DAB2IP: variants seen among roughly 807,000 people sequenced by gnomAD.
DAB2IP encodes disabled homolog 2-interacting protein.
A neutral mutation model predicts 107.2 loss-of-function variants in DAB2IP; 28 were observed. The ratio of observed to expected loss-of-function variants is 0.26; its 90% CI spans 0.19 to 0.36. The LOEUF is 0.36. DAB2IP is among the 10% of genes least tolerant of loss of function. The pLI, the probability that DAB2IP is intolerant of heterozygous loss-of-function variation, is 1.00. For synonymous variants in DAB2IP, 755 were observed against 706.4 expected, an observed-to-expected ratio of 1.07 and a Z score of -1.09; for missense variants, 1,400 against 1,644.7, an observed-to-expected ratio of 0.85 and a Z score of 2.57.
In DAB2IP at chr9:121,681,527, G is replaced by A. The variant is rs145139707; in HGVS notation, c.228+2746G>A. Reference sequence around the variant, plus strand: ...GGTTAGGGTCTGCAGGATGGAGAGCGTGTTCAAGGTGGTCGTTTTGCCCAC... The same window carrying A: ...GGTTAGGGTCTGCAGGATGGAGAGCATGTTCAAGGTGGTCGTTTTGCCCAC... On this transcript the variant is annotated intron_variant, in intron 2 of 15. Coordinates refer to ENST00000408936, the Ensembl canonical transcript of DAB2IP. Among the ~76,000 whole-genome samples the A allele has an allele frequency of 3.3e-3, 508 of 152,198 alleles. 2 individuals carry two copies. The highest frequency in any genetic ancestry group is 0.011 in the African/African-American group (472 of 41,536).
At chr9:121,664,404 A>G (rs1260483520) in intron 1 of DAB2IP, among the ~76,000 whole-genome samples, 1 of 152,240 alleles carries the variant, frequency 6.6e-6, no homozygotes, top group Non-Finnish European at 1.5e-5. Context: ...TAAATTTAAA[A>G]TTCATCTTGT....
chr9:121,609,179 A>G (rs1830996539), intron 1 of DAB2IP, among the ~76,000 whole-genome samples: 1 of 152,118 alleles, frequency 6.6e-6, no homozygotes, highest in South Asian at 2.1e-4. Context: ...TCCCGACCTC[A>G]GGTGCTCCGT....
chr9:121,755,135 G>A (rs1215455723), intron 3 of DAB2IP, among the ~76,000 whole-genome samples: 1 of 152,214 alleles, frequency 6.6e-6, no homozygotes, highest in East Asian at 1.9e-4. Flanking sequence ...CCACGGCACT[G>A]GTCATTGCCG....
intron 1 of DAB2IP, among the ~76,000 whole-genome samples, chr9:121,568,011 G>T (rs1020912090): frequency 6.6e-6 from 1 of 152,128 alleles, no homozygotes; most frequent in Non-Finnish European, 1.5e-5. Flanking sequence ...GGCATGGGGG[G>T]GTGGGGCAGC....
intron 1 of DAB2IP, among the ~76,000 whole-genome samples, chr9:121,605,794 C>T (rs1454190830): frequency 6.6e-6 from 1 of 152,206 alleles, no homozygotes; most frequent in Non-Finnish European, 1.5e-5. Flanking sequence ...GCATGAGCCA[C>T]CGCACCTGGC....
At chr9:121,690,586 C>T (rs1233649558) in intron 2 of DAB2IP, among the ~76,000 whole-genome samples, 2 of 152,152 alleles carry the variant, frequency 1.3e-5, no homozygotes, top group Non-Finnish European at 2.9e-5. Flanking sequence ...GTTGTCACAT[C>T]CCAAGCTGAG....
chr9:121,619,879 G>A (rs1300935060), intron 1 of DAB2IP, among the ~76,000 whole-genome samples: 2 of 152,124 alleles, frequency 1.3e-5, no homozygotes, highest in African/African-American at 4.8e-5. Flanking sequence ...TAGGTAGGAA[G>A]TTATTCTTTG....
intron 1 of DAB2IP, among the ~76,000 whole-genome samples, chr9:121,597,507 G>A (rs1194909991): frequency 6.6e-6 from 1 of 152,192 alleles, no homozygotes; most frequent in Non-Finnish European, 1.5e-5. Flanking sequence ...TGCTGTGATT[G>A]TACATTTTGG....
intron 3 of DAB2IP, among the ~76,000 whole-genome samples, chr9:121,704,748 C>T (rs1829972329): frequency 6.6e-6 from 1 of 152,186 alleles, no homozygotes; most frequent in African/African-American, 2.4e-5. Context: ...ATTCCTAATC[C>T]TATCATTCAT....
rs1341134026 is a variant in DAB2IP, at chr9:121,772,012, C to T, written c.2079-595C>T. Reference sequence around the variant, plus strand: ...AATGAGGAGGAGGCCAGGGCAAGTGCAGCCCTCCCACCAAGTCATGCTCTC... The same window carrying T: ...AATGAGGAGGAGGCCAGGGCAAGTGTAGCCCTCCCACCAAGTCATGCTCTC... On this transcript the variant is annotated intron_variant, in intron 11 of 15. Coordinates refer to ENST00000408936, the Ensembl canonical transcript of DAB2IP. This position sits in a 1 kb window ranked among gnomAD's most constrained non-coding sequence, Gnocchi z 4.7. Among the ~76,000 whole-genome samples the T allele has an allele frequency of 1.3e-5, 2 of 152,222 alleles. No individual in the cohort carries two copies. Among genetic ancestry groups the T allele is most frequent in the Non-Finnish European group, 2.9e-5 (2 of 68,038 alleles).
At chr9:121,606,404 A>G (rs1262089455) in intron 1 of DAB2IP, among the ~76,000 whole-genome samples, 1 of 152,062 alleles carries the variant, frequency 6.6e-6, no homozygotes, top group African/African-American at 2.4e-5. Flanking sequence ...AGCACAAAGC[A>G]TTTATATCAC....
In DAB2IP at chr9:121,782,348, G is replaced by A. The variant is rs753664017; in HGVS notation, c.3420G>A (p.Ser1140=). The change falls in exon 16 of 16, where the codon TCG becomes TCA. Residue 1140 remains serine, a synonymous_variant. Transcript: ENST00000408936. The surrounding 1 kb of genome is among the most constrained non-coding windows in gnomAD (Gnocchi z 6.1). ...GTCCACAGGAGAAGCGCATTGCCTC[G>A]TTGGATGCCGCCAATGCCCGCCTCA... 9.9e-6 allele frequency: 16 copies of A among 1,613,802 alleles called. No individual in the cohort carries two copies. The highest frequency in any genetic ancestry group is 9.3e-5 in the African/African-American group (7 of 74,872).
chr9:121,589,138 T>C (rs1413315550), intron 1 of DAB2IP, among the ~76,000 whole-genome samples: 1 of 152,142 alleles, frequency 6.6e-6, no homozygotes, highest in Non-Finnish European at 1.5e-5. Flanking sequence ...TGATCGGATC[T>C]GTGCTTTGAA....
intron 8 of DAB2IP, 27 bp downstream of exon 8, chr9:121,763,906 C>CCCTGTCGCCTTCCCCAT: frequency 6.2e-7 from 1 of 1,609,324 alleles, no homozygotes; most frequent in Non-Finnish European, 8.5e-7. Context: ...GGTCTCCCCA[C>CCCTGTCGCCTTCCCCAT]CCTGTCGCCT....
intron 1 of DAB2IP, among the ~76,000 whole-genome samples, chr9:121,667,950 AC>A (rs1833514565): frequency 6.6e-6 from 1 of 152,144 alleles, no homozygotes; most frequent in Non-Finnish European, 1.5e-5. Context: ...GGTGAAAGGC[AC>A]TTCTTACATG....
rs369555969 is a variant in DAB2IP at position 121,634,691 on chromosome 9, C to T, written c.41-43987C>T. ...CACCTTTCTCTGGGGAGAGCACTTC[C>T]GGGAGATGTAACTGGGTAGCCTACC... On this transcript the variant is annotated intron_variant, in intron 1 of 16. Transcript: ENST00000259371. This position sits in a 1 kb window ranked among gnomAD's most constrained non-coding sequence, Gnocchi z 4.7. Among the ~76,000 whole-genome samples the T allele has an allele frequency of 5.0e-4, 76 of 152,242 alleles. 2 individuals are homozygous for T. In the East Asian group the frequency reaches 0.011, roughly 22 times the overall value.
intron 2 of DAB2IP, among the ~76,000 whole-genome samples, chr9:121,685,357 T>A (rs1029420347): frequency 6.6e-6 from 1 of 152,178 alleles, no homozygotes; most frequent in African/African-American, 2.4e-5. Flanking sequence ...GGCAGGAGTC[T>A]GGGGACAGGG....
chr9:121,570,661 G>A (rs921559227), intron 1 of DAB2IP, among the ~76,000 whole-genome samples: 2 of 152,024 alleles, frequency 1.3e-5, no homozygotes, highest in South Asian at 2.1e-4. Flanking sequence ...CAATCCTCCT[G>A]CTTCAGCCTT....
intron 1 of DAB2IP, among the ~76,000 whole-genome samples, chr9:121,577,201 C>T (rs1362580797): frequency 6.6e-6 from 1 of 152,104 alleles, no homozygotes; most frequent in Non-Finnish European, 1.5e-5. Context: ...TTCCCCTGGA[C>T]ACAGCCCCAG....
Sources: gnomAD v4.1 joint callset for allele counts (sites outside exome capture counted in the v4.1 genomes callset) on GRCh38, gnomAD v4.1.1 for gene constraint, Gnocchi (gnomAD v3.1) non-coding constraint, MANE v1.5 for transcripts, NCBI Gene and HGNC (gene_info 2026-07-23, HGNC 2026-07-21) for gene names.